P2RX1: variants seen among roughly 807,000 people sequenced by gnomAD.
P2RX1 encodes the protein purinergic receptor P2X 1, also known as P2X purinoceptor 1.
In P2RX1, 42 loss-of-function variants were observed where a neutral mutation model predicts 50.3. The observed-to-expected ratio is 0.83, with a 90% confidence interval of 0.65 to 1.08. P2RX1 has a LOEUF of 1.08. Ranked by LOEUF, P2RX1 falls within the 50% of genes least tolerant of loss-of-function variation. The pLI is 0.00. For synonymous variants in P2RX1, 199 were observed against 202.6 expected, an observed-to-expected ratio of 0.98 and a Z score of 0.15; for missense variants, 449 against 529.0, an observed-to-expected ratio of 0.85 and a Z score of 1.48.
In P2RX1 at chr17:3,904,325, C is replaced by G. The variant is rs761547755; in HGVS notation, c.427+5G>C. The G allele has an allele frequency of 6.2e-7, 1 of 1,613,672 alleles. No individual in the cohort carries two copies. Among genetic ancestry groups the G allele is most frequent in the Non-Finnish European group, 8.5e-7 (1 of 1,179,664 alleles). The stretch of plus-strand genomic sequence containing the variant: ...TGTGGAGGGACAGGAGGAGGCTGAC[C>G]TTACCTTGGGCCTTCCTCTTGGCCT... On this transcript the variant is annotated splice_donor_5th_base_variant and intron_variant, in intron 4 of 11. Coordinates refer to ENST00000225538, the MANE Select transcript of P2RX1 (RefSeq NM_002558.4).
At chr17:3,905,601 A>G (rs1481869134) in intron 1 of P2RX1, among the ~76,000 whole-genome samples, 1 of 152,190 alleles carries the variant, frequency 6.6e-6, no homozygotes, top group Admixed American at 6.5e-5. Flanking sequence ...CCATCCCAGC[A>G]TTTTGGGAGG....
rs115053962 is a variant in P2RX1, at chr17:3,904,999, G to A, written c.286-70C>T. The A allele has an allele frequency of 2.1e-3, 2,563 of 1,246,348 alleles. 51 individuals carry two copies. The African/African-American group carries it at 0.032, about 15-fold the overall frequency. 77.2% of individuals were successfully genotyped at this position (1,246,348 alleles called of 1,614,324 possible). Reference sequence around the variant, plus strand: ...GGAGAAGAGCCCCAAGGGCCCCACCGCTGCCCCAGCAGAGGCCCCTAGAGC... The same window carrying A: ...GGAGAAGAGCCCCAAGGGCCCCACCACTGCCCCAGCAGAGGCCCCTAGAGC... On this transcript the variant is annotated intron_variant, in intron 2 of 11. Transcript: ENST00000225538.
intron 1 of P2RX1, among the ~76,000 whole-genome samples, chr17:3,906,349 T>C (rs866400813): frequency 6.6e-6 from 1 of 152,158 alleles, no homozygotes; most frequent in Non-Finnish European, 1.5e-5. Flanking sequence ...GCCAGGATGT[T>C]CTCGATCTCT....
At chr17:3,901,330 G>A (rs575663006) in intron 7 of P2RX1, among the ~76,000 whole-genome samples, 6 of 152,340 alleles carry the variant, frequency 3.9e-5, no homozygotes, top group East Asian at 3.9e-4. Context: ...GCCTCCCAAA[G>A]TGCTGGGATT....
intron 2 of P2RX1, 95 bp from the exon 3 acceptor site, chr17:3,905,024 C>T: frequency 8.7e-7 from 1 of 1,146,814 alleles, no homozygotes; most frequent in Non-Finnish European, 1.3e-6. Context: ...GCCCCTAGAG[C>T]CCACAGGACA....
chr17:3,900,515 CT>C (rs1487632163), intron 7 of P2RX1, among the ~76,000 whole-genome samples: 1 of 152,102 alleles, frequency 6.6e-6, no homozygotes, highest in East Asian at 1.9e-4. Flanking sequence ...TACTGAGAAA[CT>C]GTTTTGGGGT....
At position 3,914,098 on chromosome 17, in the gene P2RX1, C is replaced by G. The variant is rs1038550506; in HGVS notation, c.137+1991G>C. 2.0e-5 allele frequency among the ~76,000 whole-genome samples: 3 copies of G among 152,174 alleles called. No individual in the cohort carries two copies. Among genetic ancestry groups the G allele is most frequent in the Non-Finnish European group, 2.9e-5 (2 of 68,030 alleles). ...CAGCCCTGGGGGTTGCTGGTGATGA[C>G]GGACTCTGCCTTCCTTCCACCCTCT... is the stretch of plus-strand genomic sequence containing the variant. On this transcript the variant is annotated intron_variant, in intron 1 of 11. Coordinates refer to ENST00000225538, the MANE Select transcript of P2RX1 (RefSeq NM_002558.4). The surrounding 1 kb of genome is among the most constrained non-coding windows in gnomAD (Gnocchi z 4.1).
chr17:3,898,382 A>G, intron 10 of P2RX1, 102 bp downstream of exon 10: 1 of 946,176 alleles, frequency 1.1e-6, no homozygotes, highest in Non-Finnish European at 1.7e-6. Flanking sequence ...AATGATAGAC[A>G]GTTAGGGTCA....
Position 3,896,806 on chromosome 17 carries a change from A to T in P2RX1, c.*1008T>A, listed in dbSNP as rs1295567538. Reference sequence around the variant, plus strand: ...CACACTTGGAGAGAAGCCTTTCCCTATGGAGGTGACATGGCACGGACCATG... The same window carrying T: ...CACACTTGGAGAGAAGCCTTTCCCTTTGGAGGTGACATGGCACGGACCATG... On this transcript the variant is annotated 3_prime_UTR_variant, in exon 12 of 12. Transcript: ENST00000225538. 6.6e-6 allele frequency: 1 copy of T among 152,196 alleles called. No homozygotes were observed. Among genetic ancestry groups the T allele is most frequent in the Non-Finnish European group, 1.5e-5 (1 of 68,084 alleles). 9.4% of individuals were successfully genotyped at this position (152,196 alleles called of 1,614,324 possible).
chr17:3,905,025 C>A, intron 2 of P2RX1, 96 bp from the exon 3 acceptor site: 1 of 1,142,338 alleles, frequency 8.8e-7, no homozygotes, highest in Non-Finnish European at 1.3e-6. Flanking sequence ...CCCCTAGAGC[C>A]CACAGGACAC....
At position 3,912,169 on chromosome 17, in the gene P2RX1, C is replaced by G. The variant is rs371956535; in HGVS notation, c.137+3920G>C. Among the ~76,000 whole-genome samples the G allele has an allele frequency of 3.2e-4, 49 of 152,248 alleles. No individual in the cohort carries two copies. In the South Asian group the frequency reaches 9.9e-3, roughly 31 times the overall value. On this transcript the variant is annotated intron_variant, in intron 1 of 11. Transcript: ENST00000225538. Reference sequence around the variant, plus strand: ...TTCTTTTGAGAACCAAGACTGGACCCGCAGGAATTCCTCATCCCCTCTCCC... The same window carrying G: ...TTCTTTTGAGAACCAAGACTGGACCGGCAGGAATTCCTCATCCCCTCTCCC...
chr17:3,912,845 T>C (rs1315646722), intron 1 of P2RX1, among the ~76,000 whole-genome samples: 8 of 152,176 alleles, frequency 5.3e-5, no homozygotes, highest in African/African-American at 1.2e-4. Flanking sequence ...CCCTGATTGG[T>C]GCACTCTGAT....
intron 7 of P2RX1, among the ~76,000 whole-genome samples, chr17:3,900,415 C>A (rs2056117034): frequency 6.6e-6 from 1 of 152,166 alleles, no homozygotes; most frequent in Admixed American, 6.5e-5. Context: ...GATCACACCA[C>A]TGCACTCCAG....
chr17:3,907,745 G>C (rs147972206), intron 1 of P2RX1, among the ~76,000 whole-genome samples: 2,831 of 152,264 alleles, frequency 0.019, 35 homozygotes, highest in Non-Finnish European at 0.027. Flanking sequence ...TCAGTGTCCT[G>C]AGTCTGTCAC....
intron 7 of P2RX1, among the ~76,000 whole-genome samples, chr17:3,901,862 C>T (rs2056154000): frequency 6.6e-6 from 1 of 152,214 alleles, no homozygotes; most frequent in Admixed American, 6.5e-5. Context: ...ACCGCGTCAA[C>T]TCACTTGACC....
chr17:3,913,382 C>T (rs1253516630), intron 1 of P2RX1, among the ~76,000 whole-genome samples: 1 of 152,196 alleles, frequency 6.6e-6, no homozygotes, highest in African/African-American at 2.4e-5. Context: ...CCACCTCAGC[C>T]TCCCAAAGTG....
chr17:3,912,109 G>T (rs1197812157), intron 1 of P2RX1, among the ~76,000 whole-genome samples: 1 of 152,180 alleles, frequency 6.6e-6, no homozygotes, highest in African/African-American at 2.4e-5. Flanking sequence ...ACAGAGGAAA[G>T]AAGAGCCAGG....
chr17:3,903,245 A>C lies in P2RX1; in HGVS notation c.704T>G (p.Val235Gly). The change falls in exon 7 of 12, where the codon GTG (valine) becomes GGG (glycine). Residue 235 changes from valine (V) to glycine (G), a missense_variant. By Grantham distance (109) the Val-to-Gly change is moderately radical (BLOSUM62 -3). Transcript: ENST00000225538. The surrounding 1 kb of genome is among the most constrained non-coding windows in gnomAD (Gnocchi z 4.6). Reference protein sequence around the residue: ...PLCPVFQLGYVVQESGQNFST... With the variant: ...PLCPVFQLGYGVQESGQNFST... ...GAAGTTCTGGCCTGACTCTTGCACC[A>C]CGTAGCCAAGCTGGAAGACTGGGCA... is the stretch of plus-strand genomic sequence containing the variant. The C allele has an allele frequency of 6.2e-7, 1 of 1,614,144 alleles. No individual in the cohort carries two copies.
chr17:3,913,861 G>T (rs937652533), intron 1 of P2RX1, among the ~76,000 whole-genome samples: 1 of 34,714 alleles, frequency 2.9e-5, no homozygotes, highest in Non-Finnish European at 4.9e-5. Context: ...GTGCACTCTT[G>T]GGGGGGGTGG....
Sources: allele counts gnomAD v4.1 joint callset (sites outside exome capture counted in the v4.1 genomes callset), GRCh38; gene constraint gnomAD v4.1.1; non-coding constraint Gnocchi (gnomAD v3.1); transcripts MANE v1.5; gene names NCBI Gene and HGNC (gene_info 2026-07-23, HGNC 2026-07-21).